The following APIP variants were observed in gnomAD, a reference collection of about 807,000 sequenced individuals.
APIP encodes the protein APAF1 interacting protein.
APIP carries 32 observed loss-of-function variants against 32.0 expected under a neutral mutation model. That is an observed-to-expected ratio of 1.00 (90% CI 0.76 to 1.34). The LOEUF (loss-of-function observed/expected upper bound fraction) is 1.34, where lower values mean the gene tolerates loss of function less well. APIP is among the 40% of genes most tolerant of loss of function. The pLI is 0.00. For synonymous variants in APIP, 92 were observed against 94.8 expected, an observed-to-expected ratio of 0.97 and a Z score of 0.17; for missense variants, 247 against 298.6, an observed-to-expected ratio of 0.83 and a Z score of 1.27.
At chr11:34,892,126 T>C (rs1289710798) in intron 2 of APIP, among the ~76,000 whole-genome samples, 1 of 152,184 alleles carries the variant, frequency 6.6e-6, no homozygotes, top group Non-Finnish European at 1.5e-5. Context: ...TTTGATGAAC[T>C]TTGGGTAATT....
chr11:34,888,525 G>A, intron 4 of APIP, 97 bp from the exon 5 acceptor site: 1 of 1,517,328 alleles, frequency 6.6e-7, no homozygotes, highest in Non-Finnish European at 8.8e-7. Flanking sequence ...TTTACATATG[G>A]TTATGGGCTT....
At chr11:34,912,269 G>A (rs1301876514) in intron 1 of APIP, among the ~76,000 whole-genome samples, 1 of 152,110 alleles carries the variant, frequency 6.6e-6, no homozygotes, top group African/African-American at 2.4e-5. Flanking sequence ...ATTATTGAAT[G>A]GGCTACAGAG....
At chr11:34,905,178 A>G (rs1350357425) in intron 1 of APIP, among the ~76,000 whole-genome samples, 3 of 152,236 alleles carry the variant, frequency 2.0e-5, no homozygotes, top group African/African-American at 7.2e-5. Context: ...CAGGAATAAC[A>G]GTTATGAAAA....
rs1371330207 is a variant in APIP, at chr11:34,916,367, C to A, written c.-83G>T. ...TTAGCCTGGGATACGGCAGCGAGGC[C>A]GCAAATGCAATCAGGCGGCGCTGAG... On this transcript the variant is annotated 5_prime_UTR_variant, in exon 1 of 7. Transcript: ENST00000395787. 4 of 1,570,216 alleles carry A rather than the reference C, an allele frequency of 2.5e-6. No homozygotes were observed. The highest frequency in any genetic ancestry group is 3.7e-5 in the Admixed American group (2 of 53,900).
chr11:34,885,437 C>T (rs766429075), intron 5 of APIP, among the ~76,000 whole-genome samples: 6 of 151,650 alleles, frequency 4.0e-5, no homozygotes, highest in Non-Finnish European at 8.8e-5. Context: ...AGGGGGCGAA[C>T]GTGGGAATAA....
chr11:34,893,932 T>C (rs1251541169), intron 2 of APIP, among the ~76,000 whole-genome samples: 2 of 152,240 alleles, frequency 1.3e-5, no homozygotes, highest in East Asian at 3.8e-4. Context: ...AATCCAATTT[T>C]GTTAAAGAAA....
At chr11:34,893,594 C>G (rs183968419) in intron 2 of APIP, among the ~76,000 whole-genome samples, 15 of 152,278 alleles carry the variant, frequency 9.9e-5, no homozygotes, top group Non-Finnish European at 1.8e-4. Context: ...AGCAACTAGG[C>G]TGATGGTAAG....
At chr11:34,916,167 G>T in intron 1 of APIP, 61 bp downstream of exon 1, 1 of 1,564,980 alleles carries the variant, frequency 6.4e-7, no homozygotes, top group South Asian at 1.2e-5. Flanking sequence ...AGCTCCAGCC[G>T]CCGGGTCCCG....
At chr11:34,900,704 A>T (rs1853358359) in intron 1 of APIP, among the ~76,000 whole-genome samples, 1 of 152,064 alleles carries the variant, frequency 6.6e-6, no homozygotes, top group Non-Finnish European at 1.5e-5. Flanking sequence ...GAAGGTGAGG[A>T]AGAAGTGGAA....
Position 34,882,643 on chromosome 11 carries a change from T to A in APIP, c.*74A>T. On this transcript the variant is annotated 3_prime_UTR_variant, in exon 7 of 7. Transcript: ENST00000395787. ...GCATCATGAAAAATTTCAATTCATT[T>A]AAAAAAATAGCTTTCATTTAAATAA... The A allele has an allele frequency of 8.3e-7, 1 of 1,203,454 alleles. No homozygotes were observed. Among genetic ancestry groups the A allele is most frequent in the East Asian group, 2.5e-5 (1 of 39,354 alleles). 74.5% of individuals were successfully genotyped at this position (1,203,454 alleles called of 1,614,324 possible).
chr11:34,883,610 C>T, intron 5 of APIP, 106 bp from the exon 6 acceptor site: 4 of 1,120,980 alleles, frequency 3.6e-6, no homozygotes, highest in Non-Finnish European at 5.0e-6. Context: ...CTGTTTGTGT[C>T]TGAAAAGCCA....
chr11:34,895,144 A>G, intron 1 of APIP, 34 bp from the exon 2 acceptor site: 1 of 1,558,124 alleles, frequency 6.4e-7, no homozygotes, highest in South Asian at 1.1e-5. Flanking sequence ...TAAAACAGAC[A>G]TCATTTTATC....
chr11:34,916,222 C>G lies in APIP; in HGVS notation c.57+6G>C, dbSNP rs1261585105. 1 of 1,610,486 alleles carries G rather than the reference C, an allele frequency of 6.2e-7. No homozygotes were observed. The highest frequency in any genetic ancestry group is 1.3e-5 in the African/African-American group (1 of 74,872). ...GAATACCGGGCACCGGTGGCCCCGCCCCTACCTGCGCGCCGCATCTCCGGG... is the reference window on the plus strand; with the variant it reads ...GAATACCGGGCACCGGTGGCCCCGCGCCTACCTGCGCGCCGCATCTCCGGG... On this transcript the variant is annotated splice_donor_region_variant and intron_variant, in intron 1 of 6. Transcript: ENST00000395787.
At chr11:34,887,211 A>G (rs1853091604) in intron 5 of APIP, among the ~76,000 whole-genome samples, 1 of 151,786 alleles carries the variant, frequency 6.6e-6, no homozygotes, top group South Asian at 2.1e-4. Flanking sequence ...ACTCTCTCTT[A>G]TGCCCTGTTC....
chr11:34,884,008 G>C (rs1294668749), intron 5 of APIP, among the ~76,000 whole-genome samples: 8 of 152,204 alleles, frequency 5.3e-5, no homozygotes, highest in Non-Finnish European at 1.2e-4. Context: ...AGGACAGCAA[G>C]AATGTTCTGG....
intron 1 of APIP, among the ~76,000 whole-genome samples, chr11:34,901,031 T>G (rs937275084): frequency 6.6e-6 from 1 of 151,974 alleles, no homozygotes; most frequent in Non-Finnish European, 1.5e-5. Context: ...AAAAGGAAAC[T>G]ATAAAAGCAA....
chr11:34,882,816 C>A lies in APIP; in HGVS notation c.630G>T (p.Met210Ile), dbSNP rs1337816287. ...WGETWEKAKT[M>I]CECYDYLFDI... ...CAAATAAATAGTCATAACACTCACA[C>A]CTGTAAAAGAAAAAGCAAAAAGAAC... Residue 210 changes from methionine to isoleucine, a missense_variant and splice_region_variant, in exon 7 of 7, where the codon ATG (methionine) becomes ATT (isoleucine). By Grantham distance (10) the Met-to-Ile change is conservative. Coordinates refer to ENST00000395787, the MANE Select transcript of APIP (RefSeq NM_015957.4). 4 of 1,597,506 alleles carry A rather than the reference C, an allele frequency of 2.5e-6. No homozygotes were observed. Among genetic ancestry groups the A allele is most frequent in the Non-Finnish European group, 3.4e-6 (4 of 1,169,658 alleles).
At chr11:34,902,655 C>T (rs1006085922) in intron 1 of APIP, among the ~76,000 whole-genome samples, 4 of 152,168 alleles carry the variant, frequency 2.6e-5, no homozygotes, top group African/African-American at 9.7e-5. Flanking sequence ...TATATAACCT[C>T]ATAAAAGAAA....
chr11:34,905,255 A>T (rs1853428631), intron 1 of APIP, among the ~76,000 whole-genome samples: 1 of 152,056 alleles, frequency 6.6e-6, no homozygotes, highest in Admixed American at 6.6e-5. Flanking sequence ...TTAGTAATAC[A>T]TCACACCCTT....
Sources: gnomAD v4.1 joint callset for allele counts (sites outside exome capture counted in the v4.1 genomes callset) on GRCh38, gnomAD v4.1.1 for gene constraint, MANE v1.5 for transcripts, NCBI Gene and HGNC (gene_info 2026-07-23, HGNC 2026-07-21) for gene names.